Variants in AVEN observed in about 807,000 individuals in gnomAD.
The protein encoded by AVEN is apoptosis and caspase activation inhibitor, also known as cell death regulator Aven.
Under a neutral mutation model 38.1 loss-of-function variants are expected in AVEN, and 41 were observed. The observed-to-expected ratio is 1.08, with a 90% CI of 0.84 to 1.40. AVEN has a LOEUF of 1.40. Ranked by LOEUF, AVEN falls within the 40% of genes most tolerant of loss-of-function variation. The pLI is 0.00. For missense variants in AVEN, 605 were observed against 438.8 expected, an observed-to-expected ratio of 1.38 and a Z score of -3.38; for synonymous variants, 206 against 171.8, an observed-to-expected ratio of 1.20 and a Z score of -1.56.
chr15:34,067,752 T>A (rs1900546328), intron 2 of AVEN, among the ~76,000 whole-genome samples: 1 of 152,186 alleles, frequency 6.6e-6, no homozygotes, highest in Non-Finnish European at 1.5e-5. Context: ...CACAGTCCTT[T>A]ACCGAGTGGA....
intron 2 of AVEN, among the ~76,000 whole-genome samples, chr15:33,945,401 C>T (rs1894468187): frequency 1.3e-5 from 2 of 152,150 alleles, no homozygotes; most frequent in Non-Finnish European, 2.9e-5. Context: ...GGTATGCCTT[C>T]CTCCAGTCTT....
In AVEN at chr15:34,038,845, C is replaced by T; in HGVS notation, c.202G>A (p.Gly68Arg). 1 of 1,170,726 alleles carries T rather than the reference C, an allele frequency of 8.5e-7. No individual in the cohort carries two copies. Among genetic ancestry groups the T allele is most frequent in the African/African-American group, 1.6e-5 (1 of 60,992 alleles). 72.5% of individuals were successfully genotyped at this position (1,170,726 alleles called of 1,614,324 possible). Residue 68 changes from glycine to arginine, a missense_variant, in exon 1 of 6, where the codon GGA becomes AGA. Transcript: ENST00000306730. ...CGGCTGCCTCGCGGGGCGCCTCCTC[C>T]TCCTCGGCCTCCGCGAGCGCCGCGG... The part of the protein sequence containing the change: ...GFRGARGGRG[G>R]GGAPRGSRRE...
chr15:33,987,235 C>T (rs1896516360), intron 2 of AVEN, among the ~76,000 whole-genome samples: 1 of 152,166 alleles, frequency 6.6e-6, no homozygotes. Context: ...ATGCAGTATC[C>T]CATATGTGCT....
chr15:33,973,297 G>A (rs940756289), intron 2 of AVEN, among the ~76,000 whole-genome samples: 4 of 152,272 alleles, frequency 2.6e-5, no homozygotes, highest in African/African-American at 9.6e-5. Flanking sequence ...AAAATCCTTA[G>A]CTATTTATAG....
chr15:33,943,220 T>C (rs976930435), intron 2 of AVEN, among the ~76,000 whole-genome samples: 1 of 152,186 alleles, frequency 6.6e-6, no homozygotes, highest in Non-Finnish European at 1.5e-5. Context: ...AAGTGTCTGT[T>C]GAATGGATAA....
At position 33,983,321 on chromosome 15, in the gene AVEN, A is replaced by C. The variant is rs984273642; in HGVS notation, c.445+19711T>G. Among the ~76,000 whole-genome samples the C allele has an allele frequency of 2.0e-5, 3 of 151,900 alleles. No individual in the cohort carries two copies. In the East Asian group the frequency reaches 5.8e-4, roughly 29 times the overall value. ...TTTTGTAACTGATTAATGAGGAAGA[A>C]ATTAAAATCAATTATTGATGTTTCA... is the stretch of plus-strand genomic sequence containing the variant. On this transcript the variant is annotated intron_variant, in intron 2 of 5. Coordinates refer to ENST00000306730, the MANE Select transcript of AVEN (RefSeq NM_020371.3).
chr15:33,996,725 T>C (rs1896952015), intron 2 of AVEN, among the ~76,000 whole-genome samples: 2 of 152,180 alleles, frequency 1.3e-5, no homozygotes, highest in South Asian at 2.1e-4. Context: ...AGACCAAAGG[T>C]AGATAAAACC....
upstream of AVEN, among the ~76,000 whole-genome samples, chr15:34,042,938 A>G (rs1333764419): frequency 6.6e-6 from 1 of 152,038 alleles, no homozygotes; most frequent in Non-Finnish European, 1.5e-5. Context: ...CAAGAAACCC[A>G]GTAATTCCTA....
chr15:34,031,779 A>T (rs1324963552), intron 1 of AVEN, among the ~76,000 whole-genome samples: 2 of 152,224 alleles, frequency 1.3e-5, no homozygotes. Context: ...TGGTCAGATT[A>T]TAACAACAGC....
chr15:34,075,116 G>T (rs1200968852), exon 1 of AVEN, among the ~76,000 whole-genome samples: 2 of 146,166 alleles, frequency 1.4e-5, no homozygotes, highest in South Asian at 4.2e-4. Context: ...GGTGGAGGTT[G>T]CAGTGGACCA....
chr15:34,035,907 T>G (rs1400314066), intron 1 of AVEN, among the ~76,000 whole-genome samples: 1 of 152,120 alleles, frequency 6.6e-6, no homozygotes, highest in Non-Finnish European at 1.5e-5. Context: ...ACAATCCGGC[T>G]GCTTCAGCCT....
chr15:33,886,597 C>A (rs1028298086), intron 2 of AVEN, among the ~76,000 whole-genome samples: 1 of 152,182 alleles, frequency 6.6e-6, no homozygotes, highest in Non-Finnish European at 1.5e-5. Flanking sequence ...GGGGCTTCCC[C>A]CTTCACTCAG....
chr15:34,022,043 G>A lies in AVEN; in HGVS notation c.267+16737C>T, dbSNP rs114548302. 6.1e-3 allele frequency among the ~76,000 whole-genome samples: 934 copies of A among 152,172 alleles called. 4 individuals are homozygous for A. The highest frequency in any genetic ancestry group is 0.02 in the African/African-American group (810 of 41,508). On this transcript the variant is annotated intron_variant, in intron 1 of 5. Transcript: ENST00000306730. ...AAATATTTTGTAGATGGAATAAGAC[G>A]GCATTGTTTGCAATAAGGACAAGTA...
downstream of AVEN, chr15:33,864,911 G>A: frequency 2.0e-6 from 1 of 503,094 alleles, no homozygotes; most frequent in Middle Eastern, 5.2e-4. Flanking sequence ...TGGGGCAGAG[G>A]GGGATTTTTC....
At chr15:33,899,460 C>CTTGTTTTTTTTT (rs1892391473) in intron 2 of AVEN, among the ~76,000 whole-genome samples, 1 of 65,430 alleles carries the variant, frequency 1.5e-5, no homozygotes, top group Non-Finnish European at 2.9e-5. Context: ...CAGGGAAAAC[C>CTTGTTTTTTTTT]TTTTTTTTTT....
intron 2 of AVEN, among the ~76,000 whole-genome samples, chr15:33,920,609 A>G (rs1397749598): frequency 1.3e-5 from 2 of 152,244 alleles, no homozygotes; most frequent in Admixed American, 6.5e-5. Flanking sequence ...ATCCATGTTC[A>G]AAGCAAAACA....
chr15:34,044,216 T>C (rs1899597364), intron 5 of AVEN, among the ~76,000 whole-genome samples: 1 of 152,042 alleles, frequency 6.6e-6, no homozygotes, highest in African/African-American at 2.4e-5. Flanking sequence ...CAATTCTCCT[T>C]CTCCCATTCG....
At chr15:34,028,572 A>G (rs918089750) in intron 1 of AVEN, among the ~76,000 whole-genome samples, 3 of 152,148 alleles carry the variant, frequency 2.0e-5, no homozygotes, top group African/African-American at 7.2e-5. Flanking sequence ...TCTTAAAACA[A>G]ACAACAACAA....
chr15:33,928,669 A>C (rs572392889), intron 2 of AVEN, among the ~76,000 whole-genome samples: 1 of 152,326 alleles, frequency 6.6e-6, no homozygotes, highest in Non-Finnish European at 1.5e-5. Context: ...CTTGATTGCC[A>C]CATGAACCCA....
Sources: allele counts gnomAD v4.1 joint callset (sites outside exome capture counted in the v4.1 genomes callset), GRCh38; gene constraint gnomAD v4.1.1; transcripts MANE v1.5; gene names NCBI Gene and HGNC (gene_info 2026-07-23, HGNC 2026-07-21).